Variants in AKAP6 observed in about 807,000 individuals in gnomAD.
The protein encoded by AKAP6 is A-kinase anchoring protein 6, also known as A-kinase anchor protein 6.
Under a neutral mutation model 188.5 loss-of-function variants are expected in AKAP6, and 58 were observed. The observed-to-expected ratio is 0.31, with a 90% CI of 0.25 to 0.38. The LOEUF is 0.38. Among genes scored for constraint, AKAP6 ranks in the 10% least tolerant of loss-of-function variants. AKAP6 has a pLI of 1.00. For synonymous variants in AKAP6, 989 were observed against 998.6 expected, an observed-to-expected ratio of 0.99 and a Z score of 0.18; for missense variants, 2,710 against 2,740.0, an observed-to-expected ratio of 0.99 and a Z score of 0.24.
In AKAP6 at chr14:32,433,503, A is replaced by G. The variant is rs1890282379; in HGVS notation, c.10A>G (p.Met4Val). 6.2e-7 allele frequency: 1 copy of G among 1,613,896 alleles called. No homozygotes were observed. Among genetic ancestry groups the G allele is most frequent in the Non-Finnish European group, 8.5e-7 (1 of 1,179,834 alleles). ...AGGTTTAGACTTCTCCATGTTAACC[A>G]TGAGCGTGACACTTTCCCCCCTGAG... MLT[M>V]SVTLSPLRSQ... The change falls in exon 2 of 14, where the codon ATG (methionine) becomes GTG (valine). Residue 4 changes from methionine to valine, a missense_variant. Transcript: ENST00000280979.
chr14:32,699,756 C>A (rs1362500234), intron 9 of AKAP6, among the ~76,000 whole-genome samples: 1 of 152,152 alleles, frequency 6.6e-6, no homozygotes, highest in Non-Finnish European at 1.5e-5. Context: ...TTTTCTTCCT[C>A]AACCTGAGAA....
chr14:32,802,921 A>G (rs1040216645), intron 12 of AKAP6, among the ~76,000 whole-genome samples: 12 of 151,932 alleles, frequency 7.9e-5, no homozygotes, highest in Non-Finnish European at 2.9e-5. Flanking sequence ...AATATGGTGA[A>G]ACCTCATTTC....
At chr14:32,734,393 C>T (rs1301898027) in intron 10 of AKAP6, 1 of 152,086 alleles carries the variant, frequency 6.6e-6, no homozygotes, top group African/African-American at 2.4e-5. Flanking sequence ...GTCCCCTGTG[C>T]TGCATATTAC....
intron 1 of AKAP6, among the ~76,000 whole-genome samples, chr14:32,388,601 T>C (rs1349596848): frequency 1.3e-5 from 2 of 152,152 alleles, no homozygotes; most frequent in African/African-American, 2.4e-5. Flanking sequence ...TTGATTTCAT[T>C]TTTGATCCAA....
At chr14:32,614,844 A>G (rs765387346) in intron 7 of AKAP6, among the ~76,000 whole-genome samples, 38 of 152,010 alleles carry the variant, frequency 2.5e-4, no homozygotes, top group Non-Finnish European at 4.7e-4. Context: ...AAGAGAGTCT[A>G]TGGGGCTTTG....
intron 5 of AKAP6, among the ~76,000 whole-genome samples, chr14:32,588,104 TTGGGTAACC>T (rs1299561622): frequency 1.3e-5 from 2 of 152,232 alleles, no homozygotes; most frequent in Non-Finnish European, 2.9e-5. Context: ...TTACCCTCCC[TTGGGTAACC>T]AATGTAAATA....
chr14:32,664,253 T>C (rs1888825698), intron 7 of AKAP6, among the ~76,000 whole-genome samples: 2 of 152,094 alleles, frequency 1.3e-5, no homozygotes, highest in African/African-American at 4.8e-5. Flanking sequence ...AAGTCAAGCT[T>C]TACAAGGTCT....
chr14:32,345,057 A>G (rs1887024416), intron 1 of AKAP6, among the ~76,000 whole-genome samples: 1 of 152,126 alleles, frequency 6.6e-6, no homozygotes, highest in South Asian at 2.1e-4. Context: ...TGTAAAATGA[A>G]TATTTATATA....
intron 2 of AKAP6, among the ~76,000 whole-genome samples, chr14:32,501,771 C>A (rs993059369): frequency 1.3e-5 from 2 of 152,106 alleles, no homozygotes; most frequent in Middle Eastern, 3.2e-3. Flanking sequence ...GACTGCCCTT[C>A]TTTCTTTCCT....
chr14:32,443,531 T>C (rs1159234177), intron 2 of AKAP6, among the ~76,000 whole-genome samples: 1 of 152,216 alleles, frequency 6.6e-6, no homozygotes, highest in African/African-American at 2.4e-5. Context: ...CCCCAGGTGA[T>C]TCCATTGCAT....
chr14:32,357,059 A>G (rs954508524), intron 1 of AKAP6, among the ~76,000 whole-genome samples: 1 of 152,120 alleles, frequency 6.6e-6, no homozygotes, highest in Non-Finnish European at 1.5e-5. Flanking sequence ...ACCATATTCT[A>G]TTTATTTATG....
chr14:32,505,054 A>G (rs1268775206), intron 2 of AKAP6, among the ~76,000 whole-genome samples: 2 of 152,230 alleles, frequency 1.3e-5, no homozygotes, highest in Non-Finnish European at 2.9e-5. Flanking sequence ...GCAAGGAAGT[A>G]CAGTCCTTTC....
intron 7 of AKAP6, among the ~76,000 whole-genome samples, chr14:32,674,456 G>T (rs990300447): frequency 1.3e-5 from 2 of 152,186 alleles, no homozygotes; most frequent in Admixed American, 1.3e-4. Context: ...AAGCAGTGCA[G>T]ATTGGAGAAG....
chr14:32,595,271 G>A (rs1885646391), intron 5 of AKAP6, among the ~76,000 whole-genome samples: 1 of 151,950 alleles, frequency 6.6e-6, no homozygotes, highest in Non-Finnish European at 1.5e-5. Flanking sequence ...ATGGTTCTTG[G>A]GGTCAAGTCC....
chr14:32,590,205 T>C (rs949340351), intron 5 of AKAP6, among the ~76,000 whole-genome samples: 4 of 152,106 alleles, frequency 2.6e-5, no homozygotes, highest in African/African-American at 9.7e-5. Flanking sequence ...TGGGTGTTCT[T>C]AGACAAGTTG....
chr14:32,409,244 A>T (rs1889399882), intron 1 of AKAP6, among the ~76,000 whole-genome samples: 1 of 152,188 alleles, frequency 6.6e-6, no homozygotes, highest in Non-Finnish European at 1.5e-5. Context: ...GAACTAATTC[A>T]TACAAGATGC....
chr14:32,416,939 C>T (rs1889680115), intron 1 of AKAP6, among the ~76,000 whole-genome samples: 2 of 152,192 alleles, frequency 1.3e-5, no homozygotes, highest in Admixed American at 1.3e-4. Context: ...CTCCTGGGTT[C>T]AACCGACTCT....
chr14:32,641,961 G>T (rs1209693625), intron 7 of AKAP6, among the ~76,000 whole-genome samples: 1 of 151,904 alleles, frequency 6.6e-6, no homozygotes, highest in East Asian at 1.9e-4. Flanking sequence ...AATACATGAA[G>T]ATATCTTAAA....
chr14:32,424,394 T>C (rs1419994815), intron 1 of AKAP6, among the ~76,000 whole-genome samples: 1 of 151,990 alleles, frequency 6.6e-6, no homozygotes, highest in Non-Finnish European at 1.5e-5. Context: ...TGTTGACGTA[T>C]CTTTATCCAT....
Sources: allele counts gnomAD v4.1 joint callset (sites outside exome capture counted in the v4.1 genomes callset), GRCh38; gene constraint gnomAD v4.1.1; transcripts MANE v1.5; gene names NCBI Gene and HGNC (gene_info 2026-07-23, HGNC 2026-07-21).